Variants in ZNF277 observed in about 807,000 individuals in gnomAD.
ZNF277 encodes zinc finger protein 277, also known as nuclear receptor-interacting factor 4.
A neutral mutation model predicts 60.7 loss-of-function variants in ZNF277; 55 were observed. The observed-to-expected ratio is 0.91, with a 90% confidence interval of 0.73 to 1.13. ZNF277 has a LOEUF of 1.13. Among genes scored for constraint, ZNF277 ranks in the 50% most tolerant of loss-of-function variants. The probability of loss-of-function intolerance (pLI) is 0.00; values close to 1 mark genes in which losing one functional copy is unlikely to be tolerated. For synonymous variants in ZNF277, 178 were observed against 179.3 expected, an observed-to-expected ratio of 0.99 and a Z score of 0.06; for missense variants, 510 against 523.0, an observed-to-expected ratio of 0.98 and a Z score of 0.24.
chr7:112,285,889 T>A (rs1341509045), intron 1 of ZNF277, among the ~76,000 whole-genome samples: 1 of 152,190 alleles, frequency 6.6e-6, no homozygotes, highest in Non-Finnish European at 1.5e-5. Context: ...GTCTGTGGCT[T>A]AGTTTTTGTG....
intron 1 of ZNF277, among the ~76,000 whole-genome samples, chr7:112,212,585 G>A (rs1372699503): frequency 6.6e-6 from 1 of 152,154 alleles, no homozygotes; most frequent in Non-Finnish European, 1.5e-5. Context: ...TATAAAGATA[G>A]GCCCAATTAT....
At chr7:112,287,218 T>C (rs955933115) in intron 2 of ZNF277, 144 bp downstream of exon 2, 5 of 766,180 alleles carry the variant, frequency 6.5e-6, no homozygotes, top group African/African-American at 5.3e-5. Context: ...AAAAACAAAA[T>C]TTAAAAATTA....
At chr7:112,221,370 G>C (rs1227485449) in intron 1 of ZNF277, among the ~76,000 whole-genome samples, 1 of 152,080 alleles carries the variant, frequency 6.6e-6, no homozygotes, top group Non-Finnish European at 1.5e-5. Context: ...CTTGGAAGCA[G>C]CCTGCCACCA....
At chr7:112,234,114 T>C (rs1034988488) in intron 1 of ZNF277, among the ~76,000 whole-genome samples, 9 of 152,188 alleles carry the variant, frequency 5.9e-5, no homozygotes, top group African/African-American at 1.9e-4. Flanking sequence ...TCATTATTAA[T>C]AGGCATTCAC....
chr7:112,232,708 T>G (rs1822372631), intron 1 of ZNF277, among the ~76,000 whole-genome samples: 1 of 152,146 alleles, frequency 6.6e-6, no homozygotes, highest in Admixed American at 6.5e-5. Flanking sequence ...TTGCAGTGTC[T>G]AAGTCAAAAA....
Position 112,338,545 on chromosome 7 carries a change from CA to C in ZNF277, c.966+720del, listed in dbSNP as rs535820547. 2.0e-3 allele frequency among the ~76,000 whole-genome samples: 307 copies of C among 152,152 alleles called. 1 individual carries two copies. The highest frequency in any genetic ancestry group is 7.0e-3 in the African/African-American group (292 of 41,424). On this transcript the variant is annotated intron_variant, in intron 9 of 11. Coordinates refer to ENST00000361822, the MANE Select transcript of ZNF277 (RefSeq NM_021994.3). ...CTGATATCTCTCCGTCCCCTCCCTG[CA>C]GCCACCTCTGCCAATAGTGGACCAT...
At position 112,239,553 on chromosome 7, in the gene ZNF277, G is replaced by C. The variant is rs149852801; in HGVS notation, c.91+32746G>C. Reference sequence around the variant, plus strand: ...ATGGAGAGAGAGATTCTGTTTGTTTGAGGAAAGGTAAGGAAAGAGAACAAG... The same window carrying C: ...ATGGAGAGAGAGATTCTGTTTGTTTCAGGAAAGGTAAGGAAAGAGAACAAG... On this transcript the variant is annotated intron_variant, in intron 1 of 11. Coordinates refer to ENST00000361822, the MANE Select transcript of ZNF277 (RefSeq NM_021994.3). Among the ~76,000 whole-genome samples the C allele has an allele frequency of 1.6e-3, 247 of 152,308 alleles. 1 individual carries two copies. Among genetic ancestry groups the C allele is most frequent in the African/African-American group, 5.7e-3 (235 of 41,564 alleles).
chr7:112,245,088 T>C (rs1449419841), intron 1 of ZNF277, among the ~76,000 whole-genome samples: 2 of 152,184 alleles, frequency 1.3e-5, no homozygotes, highest in African/African-American at 2.4e-5. Flanking sequence ...TCTTCTCACA[T>C]CTACTCTTCT....
chr7:112,318,156 A>G, intron 4 of ZNF277, 26 bp from the exon 5 acceptor site: 1 of 1,581,988 alleles, frequency 6.3e-7, no homozygotes, highest in Non-Finnish European at 8.7e-7. Flanking sequence ...TTAAGATAAT[A>G]CCATAAATCT....
At chr7:112,228,360 A>G (rs111660823) in intron 1 of ZNF277, among the ~76,000 whole-genome samples, 2,970 of 151,564 alleles carry the variant, frequency 0.02, 108 homozygotes, top group African/African-American at 0.069. Context: ...CGTCTATTGA[A>G]TATATCACCC....
chr7:112,288,415 T>C (rs1792119562), intron 2 of ZNF277: 1 of 152,218 alleles, frequency 6.6e-6, no homozygotes, highest in African/African-American at 2.4e-5. Flanking sequence ...TTCTTTCTTA[T>C]GATAGGTCTT....
At chr7:112,224,794 G>A (rs1822134867) in intron 1 of ZNF277, among the ~76,000 whole-genome samples, 1 of 152,172 alleles carries the variant, frequency 6.6e-6, no homozygotes, top group South Asian at 2.1e-4. Context: ...CAAGGACACA[G>A]CTACAAGTAA....
intron 1 of ZNF277, among the ~76,000 whole-genome samples, chr7:112,240,774 A>G (rs890335327): frequency 2.0e-4 from 31 of 152,316 alleles, no homozygotes; most frequent in African/African-American, 7.2e-4. Context: ...TTTCTTCAAC[A>G]AATGATTCTG....
chr7:112,342,558 C>G lies in ZNF277; in HGVS notation c.1185-3C>G, dbSNP rs1285974977. On this transcript the variant is annotated splice_region_variant and splice_polypyrimidine_tract_variant and intron_variant, in intron 11 of 11. Coordinates refer to ENST00000361822, the MANE Select transcript of ZNF277 (RefSeq NM_021994.3). ...AATACTATGTATCTGTGGTTGTTTT[C>G]AGGTATTATTTTCCAACCTATGAAA... 22 of 1,600,258 alleles carry G rather than the reference C, an allele frequency of 1.4e-5. No homozygotes were observed. Among genetic ancestry groups the G allele is most frequent in the Non-Finnish European group, 1.9e-5 (22 of 1,173,446 alleles).
chr7:112,235,793 A>AT (rs947814054), intron 1 of ZNF277, among the ~76,000 whole-genome samples: 19 of 149,986 alleles, frequency 1.3e-4, no homozygotes, highest in South Asian at 4.2e-4. Flanking sequence ...AAATGTGTCT[A>AT]TTTTTTTTTC....
intron 2 of ZNF277, among the ~76,000 whole-genome samples, chr7:112,294,109 G>A (rs924980245): frequency 1.3e-5 from 2 of 152,152 alleles, no homozygotes; most frequent in Non-Finnish European, 2.9e-5. Context: ...AAATGTGCTT[G>A]GGGGAGAATA....
rs146973720 is a variant in ZNF277 at position 112,309,641 on chromosome 7, G to A, written c.466-8541G>A. Among the ~76,000 whole-genome samples the A allele has an allele frequency of 1.7e-3, 264 of 151,888 alleles. 2 individuals carry two copies. Among genetic ancestry groups the A allele is most frequent in the South Asian group, 2.1e-3 (10 of 4,802 alleles). ...CATATACTTATTATATACCCACAAT[G>A]ACTCTGACACCAGTTACCTAGACAG... On this transcript the variant is annotated intron_variant, in intron 4 of 11. Coordinates refer to ENST00000361822, the MANE Select transcript of ZNF277 (RefSeq NM_021994.3).
At chr7:112,270,509 T>C (rs1791644074) in intron 1 of ZNF277, among the ~76,000 whole-genome samples, 2 of 152,296 alleles carry the variant, frequency 1.3e-5, no homozygotes, top group South Asian at 4.1e-4. Context: ...ACTGTTGTGC[T>C]GGCAAAAATA....
chr7:112,263,231 A>C (rs1791473093), intron 1 of ZNF277, among the ~76,000 whole-genome samples: 1 of 152,132 alleles, frequency 6.6e-6, no homozygotes, highest in Admixed American at 6.6e-5. Context: ...AGACTAGTAG[A>C]GGTTAGGGAC....
Sources: allele counts gnomAD v4.1 joint callset (sites outside exome capture counted in the v4.1 genomes callset), GRCh38; gene constraint gnomAD v4.1.1; transcripts MANE v1.5; gene names NCBI Gene and HGNC (gene_info 2026-07-23, HGNC 2026-07-21).